The following CADM2 variants were observed in gnomAD, a reference collection of about 807,000 sequenced individuals.
CADM2 encodes the protein immunoglobulin superfamily member 4D.
Under a neutral mutation model 49.8 loss-of-function variants are expected in CADM2, and 12 were observed. The ratio of observed to expected loss-of-function variants is 0.24; its 90% CI spans 0.15 to 0.39. The LOEUF (loss-of-function observed/expected upper bound fraction) is 0.39. Among genes scored for constraint, CADM2 ranks in the 10% least tolerant of loss-of-function variants. The probability of loss-of-function intolerance (pLI) is 1.00; values close to 1 mark genes in which losing one functional copy is unlikely to be tolerated. For synonymous variants in CADM2, 214 were observed against 175.4 expected, an observed-to-expected ratio of 1.22 and a Z score of -1.74; for missense variants, 378 against 492.3, an observed-to-expected ratio of 0.77 and a Z score of 2.20.
chr3:85,741,012 A>C (rs2068360619), intron 2 of CADM2, among the ~76,000 whole-genome samples: 1 of 152,168 alleles, frequency 6.6e-6, no homozygotes, highest in Admixed American at 6.5e-5. Context: ...ATGAACAGGC[A>C]CTTTTATGTT....
At chr3:85,966,560 A>C (rs1266089716) in intron 8 of CADM2, among the ~76,000 whole-genome samples, 2 of 151,622 alleles carry the variant, frequency 1.3e-5, no homozygotes, top group Non-Finnish European at 3.0e-5. Context: ...GCACCTTTCC[A>C]CAGATTTCGT....
chr3:85,188,717 T>A (rs1028046233), intron 1 of CADM2, among the ~76,000 whole-genome samples: 2 of 152,072 alleles, frequency 1.3e-5, no homozygotes, highest in African/African-American at 4.8e-5. Flanking sequence ...TGATATTATA[T>A]CATTTAACTA....
At chr3:85,390,193 A>G (rs1382892441) in intron 1 of CADM2, among the ~76,000 whole-genome samples, 1 of 152,050 alleles carries the variant, frequency 6.6e-6, no homozygotes, top group Non-Finnish European at 1.5e-5. Flanking sequence ...ATTTAAAAAA[A>G]TAAGTTAAAA....
intron 3 of CADM2, among the ~76,000 whole-genome samples, chr3:85,823,474 A>G (rs1288631576): frequency 1.3e-5 from 2 of 152,074 alleles, no homozygotes; most frequent in East Asian, 1.9e-4. Flanking sequence ...CACAAACCAC[A>G]TTACTGATTT....
intron 1 of CADM2, among the ~76,000 whole-genome samples, chr3:85,511,689 C>G (rs1364285059): frequency 1.3e-5 from 2 of 152,036 alleles, no homozygotes; most frequent in African/African-American, 4.8e-5. Context: ...TTGGAAACAA[C>G]ATTCCATTTG....
intron 1 of CADM2, among the ~76,000 whole-genome samples, chr3:85,419,763 A>G (rs6804996): frequency 0.081 from 12,282 of 152,232 alleles, 670 homozygotes; most frequent in Middle Eastern, 0.17. Context: ...GAGTATAACT[A>G]CAACTACTAA....
intron 1 of CADM2, among the ~76,000 whole-genome samples, chr3:85,678,032 C>T (rs1175972778): frequency 2.0e-5 from 3 of 152,156 alleles, no homozygotes; most frequent in Non-Finnish European, 4.4e-5. Context: ...TCTAATCACA[C>T]ATTGGCTTAC....
At chr3:85,347,924 C>T (rs1348662513) in intron 1 of CADM2, among the ~76,000 whole-genome samples, 1 of 151,962 alleles carries the variant, frequency 6.6e-6, no homozygotes, top group African/African-American at 2.4e-5. Context: ...TCTCCTGCCT[C>T]AGCCTCCTGA....
rs561494498 is a variant in CADM2 at position 86,042,564 on chromosome 3, C to A, written c.971-23041C>A. 1.4e-4 allele frequency among the ~76,000 whole-genome samples: 22 copies of A among 152,196 alleles called. No homozygotes were observed. In the South Asian group the frequency reaches 2.3e-3, roughly 16 times the overall value. ...AATCTCTGAATAGACCAATAACAGG[C>A]TCTGAAATTCAGGCAATAATTAATA... On this transcript the variant is annotated intron_variant, in intron 8 of 9. Transcript: ENST00000383699.
In CADM2 at chr3:86,072,204, A is replaced by G. The variant is rs1280125727; in HGVS notation, c.*5421A>G. On this transcript the variant is annotated 3_prime_UTR_variant, in exon 10 of 10. Coordinates refer to ENST00000383699, the MANE Select transcript of CADM2 (RefSeq NM_001167675.2). The stretch of plus-strand genomic sequence containing the variant: ...TCAAATTATAATGGTTAATCTCTAA[A>G]ATATGCTTAAAGTAAGATGTTTCTA... 6.6e-6 allele frequency: 1 copy of G among 151,764 alleles called. No individual in the cohort carries two copies. Among genetic ancestry groups the G allele is most frequent in the Non-Finnish European group, 1.5e-5 (1 of 67,848 alleles). 9.4% of individuals were successfully genotyped at this position (151,764 alleles called of 1,614,324 possible).
chr3:85,666,846 G>C (rs952773149), intron 1 of CADM2, among the ~76,000 whole-genome samples: 10 of 151,864 alleles, frequency 6.6e-5, no homozygotes, highest in Non-Finnish European at 1.5e-4. Context: ...CAAATGCCAG[G>C]GTATTTTGGG....
At chr3:85,084,531 T>C (rs1305374087) in intron 1 of CADM2, among the ~76,000 whole-genome samples, 2 of 152,176 alleles carry the variant, frequency 1.3e-5, no homozygotes, top group Non-Finnish European at 2.9e-5. Flanking sequence ...CTTTGGCTAA[T>C]CCAAATTGAG....
At position 85,568,396 on chromosome 3, in the gene CADM2, C is replaced by CCTCTTTCTTTCTTTTTCTTTCTCTCTCT. The variant is rs1396603775; in HGVS notation, c.62-158112_62-158111insTTCTTTCTCTCTCTCTCTTTCTTTCTTT. Among the ~76,000 whole-genome samples, 2 of 102,564 alleles carry CCTCTTTCTTTCTTTTTCTTTCTCTCTCT rather than the reference C, an allele frequency of 1.9e-5. 1 individual carries two copies. Among genetic ancestry groups the CCTCTTTCTTTCTTTTTCTTTCTCTCTCT allele is most frequent in the Admixed American group, 2.2e-4 (2 of 9,082 alleles). 67.3% of individuals were successfully genotyped at this position (102,564 alleles called of 152,430 possible). On this transcript the variant is annotated intron_variant, in intron 1 of 9. Coordinates refer to ENST00000383699, the MANE Select transcript of CADM2 (RefSeq NM_001167675.2). ...TGTTACCTACAATCTTTCCTTCCTC[C>CCTCTTTCTTTCTTTTTCTTTCTCTCTCT]CTCTTTCTTTCTTTCTTTCTTTCTT...
At chr3:85,183,318 A>G (rs976748942) in intron 1 of CADM2, among the ~76,000 whole-genome samples, 1 of 152,176 alleles carries the variant, frequency 6.6e-6, no homozygotes, top group African/African-American at 2.4e-5. Context: ...ATAAAAATAG[A>G]ACACATTTTG....
intron 1 of CADM2, among the ~76,000 whole-genome samples, chr3:85,071,601 T>C (rs1323862985): frequency 6.6e-6 from 1 of 152,146 alleles, no homozygotes; most frequent in Non-Finnish European, 1.5e-5. Context: ...ATAGGTGGTC[T>C]TGAGTTTGTT....
At chr3:85,307,600 A>G (rs576404260) in intron 1 of CADM2, among the ~76,000 whole-genome samples, 6 of 151,938 alleles carry the variant, frequency 3.9e-5, no homozygotes, top group African/African-American at 1.4e-4. Context: ...GGTCTCAAAC[A>G]TGCTTCTTTG....
At chr3:85,444,292 T>C (rs1014299695) in intron 1 of CADM2, among the ~76,000 whole-genome samples, 3 of 152,108 alleles carry the variant, frequency 2.0e-5, no homozygotes, top group Non-Finnish European at 4.4e-5. Context: ...GTAACTTGTT[T>C]CCTTGCTTAA....
At chr3:85,482,781 T>C (rs1157658559) in intron 1 of CADM2, among the ~76,000 whole-genome samples, 1 of 151,662 alleles carries the variant, frequency 6.6e-6, no homozygotes, top group Non-Finnish European at 1.5e-5. Context: ...CTTGAAAATA[T>C]ATATATAATT....
chr3:86,071,420 G>C lies in CADM2; in HGVS notation c.*4637G>C, dbSNP rs1450806844. 1.3e-5 allele frequency: 2 copies of C among 151,742 alleles called. No homozygotes were observed. The highest frequency in any genetic ancestry group is 2.9e-5 in the Non-Finnish European group (2 of 67,800). The allele number at this position is 151,742 out of a possible 1,614,324, so 9.4% of individuals were successfully genotyped here. On this transcript the variant is annotated 3_prime_UTR_variant, in exon 10 of 10. Coordinates refer to ENST00000383699, the MANE Select transcript of CADM2 (RefSeq NM_001167675.2). ...ATTGAAAGTAGCAAGATAATAAAGA[G>C]AGTTAAAGGGGACAACATATAACAA...
Sources: gnomAD v4.1 joint callset for allele counts (sites outside exome capture counted in the v4.1 genomes callset) on GRCh38, gnomAD v4.1.1 for gene constraint, MANE v1.5 for transcripts, NCBI Gene and HGNC (gene_info 2026-07-23, HGNC 2026-07-21) for gene names.